DAPK2: variants seen among roughly 807,000 people sequenced by gnomAD.
DAPK2 encodes death associated protein kinase 2, also known as death-associated protein kinase 2.
DAPK2 carries 35 observed loss-of-function variants against 44.1 expected under a neutral mutation model. That is an observed-to-expected ratio of 0.79 (90% CI 0.61 to 1.05). DAPK2 has a LOEUF of 1.05. DAPK2 is among the 50% of genes least tolerant of loss of function. The probability of loss-of-function intolerance (pLI) is 0.00; values close to 1 mark genes in which losing one functional copy is unlikely to be tolerated. For synonymous variants in DAPK2, 174 were observed against 182.6 expected (o/e 0.95, Z 0.38); for missense variants, 453 against 483.2 (o/e 0.94, Z 0.59).
Position 63,912,250 on chromosome 15 carries a change from A to G in DAPK2, c.859-53T>C. The G allele has an allele frequency of 6.3e-7, 1 of 1,575,390 alleles. No homozygotes were observed. The highest frequency in any genetic ancestry group is 8.7e-7 in the Non-Finnish European group (1 of 1,150,644). On this transcript the variant is annotated intron_variant, in intron 8 of 10. Coordinates refer to ENST00000261891, the Ensembl canonical transcript of DAPK2. This position sits in a 1 kb window ranked among gnomAD's most constrained non-coding sequence, Gnocchi z 4.4. The stretch of plus-strand genomic sequence containing the variant: ...TGATGCTGGGCTTCAGACAGCAGCC[A>G]CCCTCCTCGCCGCAGAACTCCCCAC...
At chr15:63,991,475 T>C in intron 1 of DAPK2, 1 of 370,142 alleles carries the variant, frequency 2.7e-6, no homozygotes, top group South Asian at 2.0e-5. Flanking sequence ...TTCTAGTTCC[T>C]TGACGATGGC....
At chr15:63,942,215 G>A (rs1045112069) in intron 3 of DAPK2, 4 of 985,232 alleles carry the variant, frequency 4.1e-6, no homozygotes, top group Non-Finnish European at 4.8e-6. Flanking sequence ...CACCTCTGTG[G>A]CACACAGTCC....
At chr15:63,961,354 T>C (rs1262321323) in intron 3 of DAPK2, among the ~76,000 whole-genome samples, 6 of 152,232 alleles carry the variant, frequency 3.9e-5, no homozygotes, top group Admixed American at 3.9e-4. Flanking sequence ...TTAAGGTTAA[T>C]ATTGTTATGT....
At chr15:63,959,077 G>C (rs1246185976) in intron 3 of DAPK2, among the ~76,000 whole-genome samples, 1 of 152,160 alleles carries the variant, frequency 6.6e-6, no homozygotes, top group Non-Finnish European at 1.5e-5. Context: ...CACATCCCTT[G>C]TAAGTTGGAT....
At chr15:63,964,671 T>A (rs187977579) in intron 3 of DAPK2, among the ~76,000 whole-genome samples, 1 of 151,960 alleles carries the variant, frequency 6.6e-6, no homozygotes, top group African/African-American at 2.4e-5. Context: ...TATTTTCGAA[T>A]AGTCTATCTT....
intron 1 of DAPK2, among the ~76,000 whole-genome samples, chr15:63,997,098 G>A (rs934515081): frequency 2.6e-5 from 4 of 152,086 alleles, no homozygotes; most frequent in Admixed American, 6.5e-5. Context: ...TCAGGCAAGC[G>A]GCTCAGAGTG....
intron 1 of DAPK2, among the ~76,000 whole-genome samples, chr15:64,002,087 C>A (rs1037661572): frequency 6.6e-6 from 1 of 152,198 alleles, no homozygotes; most frequent in Admixed American, 6.5e-5. Context: ...ACTCTCAAAT[C>A]CTTGGGAGGC....
chr15:63,909,259 G>A (rs571699731), intron 10 of DAPK2: 3 of 151,648 alleles, frequency 2.0e-5, no homozygotes, highest in Non-Finnish European at 4.4e-5. Flanking sequence ...AATCCACAGT[G>A]ACTTCATTCC....
At chr15:64,001,154 GGCATGA>G (rs2079075271) in intron 1 of DAPK2, among the ~76,000 whole-genome samples, 1 of 151,738 alleles carries the variant, frequency 6.6e-6, no homozygotes. Context: ...TGCAAGTGCA[GGCATGA>G]GCCACTGCAC....
chr15:63,933,168 A>G (rs1305862328), intron 4 of DAPK2, among the ~76,000 whole-genome samples: 1 of 152,256 alleles, frequency 6.6e-6, no homozygotes, highest in African/African-American at 2.4e-5. Context: ...TGGACTATGC[A>G]TTTAGAGACT....
chr15:64,039,676 C>T (rs2080303121), intron 1 of DAPK2, among the ~76,000 whole-genome samples: 1 of 152,166 alleles, frequency 6.6e-6, no homozygotes, highest in Non-Finnish European at 1.5e-5. Flanking sequence ...CCTGAAAATG[C>T]ACCAGTAACA....
At chr15:63,954,687 GA>G (rs2077675837) in intron 3 of DAPK2, among the ~76,000 whole-genome samples, 1 of 152,160 alleles carries the variant, frequency 6.6e-6, no homozygotes, top group Non-Finnish European at 1.5e-5. Flanking sequence ...TTTCGGTTAA[GA>G]ATGTCATTGG....
chr15:63,975,954 C>G (rs2140789031), intron 2 of DAPK2, among the ~76,000 whole-genome samples: 1 of 152,302 alleles, frequency 6.6e-6, no homozygotes, highest in East Asian at 1.9e-4. Flanking sequence ...ATTCCCTGCC[C>G]CCTAGTCCAT....
At chr15:63,985,472 C>G (rs954038549) in intron 1 of DAPK2, among the ~76,000 whole-genome samples, 28 of 152,202 alleles carry the variant, frequency 1.8e-4, no homozygotes, top group African/African-American at 6.0e-4. Flanking sequence ...GGCTCTGAGT[C>G]TCAGTGTCAA....
intron 1 of DAPK2, among the ~76,000 whole-genome samples, chr15:63,999,718 A>G (rs896588765): frequency 6.6e-6 from 1 of 151,954 alleles, no homozygotes; most frequent in African/African-American, 2.4e-5. Context: ...TGCCAGAGGC[A>G]CCATTTTTAA....
In DAPK2 at chr15:63,971,576, CGG is replaced by C; in HGVS notation, c.315-17_315-16del. ...CTCCAGACACTCTGTAAAACACCAG[CGG>C]GGGGAGGGGAGGCCCAGGCCCAGTC... On this transcript the variant is annotated splice_polypyrimidine_tract_variant and intron_variant, in intron 2 of 10. Coordinates refer to ENST00000261891, the Ensembl canonical transcript of DAPK2. 1 of 1,612,940 alleles carries C rather than the reference CGG, an allele frequency of 6.2e-7. No individual in the cohort carries two copies. The highest frequency in any genetic ancestry group is 1.1e-5 in the South Asian group (1 of 90,976).
At chr15:63,925,887 G>A in intron 7 of DAPK2, 54 bp downstream of exon 8, 1 of 1,610,318 alleles carries the variant, frequency 6.2e-7, no homozygotes, top group South Asian at 1.1e-5. Flanking sequence ...CTTTGACAGA[G>A]GCGACAGGAA....
In DAPK2 at chr15:64,013,429, G is replaced by C. The variant is rs1479027059; in HGVS notation, c.92+26741C>G. ...CGTGCCTTTAAGACTTAGTAATTGG[G>C]CAGAAAAGTGAAACCAGGAGAGAAG... On this transcript the variant is annotated intron_variant, in intron 1 of 10. Transcript: ENST00000261891. The surrounding 1 kb of genome is among the most constrained non-coding windows in gnomAD (Gnocchi z 4.7). 6.6e-6 allele frequency among the ~76,000 whole-genome samples: 1 copy of C among 152,226 alleles called. No individual in the cohort carries two copies. Among genetic ancestry groups the C allele is most frequent in the Admixed American group, 6.5e-5 (1 of 15,286 alleles).
At chr15:63,957,483 T>C (rs543696504) in intron 3 of DAPK2, among the ~76,000 whole-genome samples, 2 of 150,908 alleles carry the variant, frequency 1.3e-5, no homozygotes, top group East Asian at 3.9e-4. Flanking sequence ...ATTAGGTGTA[T>C]CTCCTAATGC....
Sources: gnomAD v4.1 joint callset for allele counts (sites outside exome capture counted in the v4.1 genomes callset) on GRCh38, gnomAD v4.1.1 for gene constraint, Gnocchi (gnomAD v3.1) non-coding constraint, MANE v1.5 for transcripts, NCBI Gene and HGNC (gene_info 2026-07-23, HGNC 2026-07-21) for gene names.